The following PPP2R2D variants were observed in gnomAD, a reference collection of about 807,000 sequenced individuals.
PPP2R2D encodes the protein serine/threonine-protein phosphatase 2A 55 kDa regulatory subunit B delta isoform.
Under a neutral mutation model 31.1 loss-of-function variants are expected in PPP2R2D, and 9 were observed. The ratio of observed to expected loss-of-function variants is 0.29; its 90% CI spans 0.17 to 0.51. PPP2R2D has a LOEUF of 0.51. Ranked by LOEUF, PPP2R2D falls within the 20% of genes least tolerant of loss-of-function variation. PPP2R2D has a pLI of 0.98. For synonymous variants in PPP2R2D, 179 were observed against 172.6 expected (o/e 1.04, Z -0.29); for missense variants, 391 against 465.6 (o/e 0.84, Z 1.48).
At chr10:131,921,894 C>G (rs918422666) in intron 2 of PPP2R2D, among the ~76,000 whole-genome samples, 2 of 152,132 alleles carry the variant, frequency 1.3e-5, no homozygotes, top group East Asian at 3.9e-4. Context: ...ATAAAATTGC[C>G]TAGGAGTAAT....
intron 2 of PPP2R2D, among the ~76,000 whole-genome samples, chr10:131,932,558 G>A (rs191460530): frequency 6.8e-6 from 1 of 148,146 alleles, no homozygotes; most frequent in Admixed American, 6.9e-5. Context: ...TCCCGGCGAC[G>A]CAGGAGGCTG....
At chr10:131,930,348 G>A (rs782385522) in intron 2 of PPP2R2D, among the ~76,000 whole-genome samples, 14 of 152,198 alleles carry the variant, frequency 9.2e-5, no homozygotes, top group East Asian at 5.8e-4. Context: ...CCTGCTGGCC[G>A]CCTGGCTCAT....
intron 2 of PPP2R2D, among the ~76,000 whole-genome samples, chr10:131,906,630 G>A (rs1336451973): frequency 6.6e-6 from 1 of 151,974 alleles, no homozygotes; most frequent in Non-Finnish European, 1.5e-5. Context: ...TTCATTGAAT[G>A]TAAGATAATG....
At chr10:131,919,274 GGCACAGC>G in intron 2 of PPP2R2D, among the ~76,000 whole-genome samples, 1 of 115,240 alleles carries the variant, frequency 8.7e-6, no homozygotes, top group African/African-American at 3.4e-5. Context: ...TGGGTGGAAT[GGCACAGC>G]GTTTGTAGGG....
intron 3 of PPP2R2D, among the ~76,000 whole-genome samples, chr10:131,937,120 C>G (rs1554896618): frequency 6.6e-6 from 1 of 152,196 alleles, no homozygotes; most frequent in Non-Finnish European, 1.5e-5. Context: ...ATTCGGAAGG[C>G]TAGTGAGTGA....
intron 2 of PPP2R2D, among the ~76,000 whole-genome samples, chr10:131,928,998 C>G (rs1255783838): frequency 6.6e-6 from 1 of 152,208 alleles, no homozygotes; most frequent in Admixed American, 6.5e-5. Context: ...CAACAGGCGC[C>G]TCTGTCCTCA....
At chr10:131,943,172 G>A (rs1271530633) in intron 5 of PPP2R2D, among the ~76,000 whole-genome samples, 3 of 152,094 alleles carry the variant, frequency 2.0e-5, no homozygotes, top group Admixed American at 2.0e-4. Flanking sequence ...CCTCACGCCT[G>A]AGCTCTCACC....
chr10:131,971,226 T>C, the PPP2R2D span: 1 of 495,876 alleles, frequency 2.0e-6, no homozygotes, highest in Non-Finnish European at 3.7e-6. Flanking sequence ...AGGGCGTAAA[T>C]ACATTTGGTT....
At chr10:131,922,709 GTGCTGGGAT>G (rs2036015682) in intron 2 of PPP2R2D, among the ~76,000 whole-genome samples, 1 of 152,060 alleles carries the variant, frequency 6.6e-6, no homozygotes, top group African/African-American at 2.4e-5. Context: ...GCCTCTCAAA[GTGCTGGGAT>G]TACAGGCATG....
chr10:131,962,797 CAG>C (rs1259584138), downstream of PPP2R2D, among the ~76,000 whole-genome samples: 3 of 152,252 alleles, frequency 2.0e-5, no homozygotes, highest in African/African-American at 7.2e-5. Flanking sequence ...CCAGCCAAGG[CAG>C]AGAGGTGGCT....
intron 2 of PPP2R2D, among the ~76,000 whole-genome samples, chr10:131,919,444 G>A (rs2035917035): frequency 1.5e-5 from 2 of 129,876 alleles, no homozygotes; most frequent in African/African-American, 5.9e-5. Flanking sequence ...CAGGCGGGTG[G>A]AATGACACAG....
At chr10:131,934,687 A>G (rs1358760421) in intron 3 of PPP2R2D, 132 bp downstream of exon 3, 5 of 666,896 alleles carry the variant, frequency 7.5e-6, no homozygotes, top group African/African-American at 7.1e-5. Context: ...TTAGCCATAC[A>G]GAATCTCCTT....
chr10:131,953,284 T>G (rs1554899325), intron 8 of PPP2R2D, among the ~76,000 whole-genome samples: 2 of 104,802 alleles, frequency 1.9e-5, no homozygotes, highest in African/African-American at 3.7e-5. Flanking sequence ...GACTTGCAGG[T>G]ATGCGGGGGT....
At chr10:131,920,004 T>G (rs1643040792) in intron 2 of PPP2R2D, among the ~76,000 whole-genome samples, 2 of 122,464 alleles carry the variant, frequency 1.6e-5, no homozygotes, top group Admixed American at 8.6e-5. Context: ...GACACAGTGT[T>G]TGTAGGGACC....
Position 131,945,377 on chromosome 10 carries a change from C to T in PPP2R2D, c.738C>T (p.Asn246=), listed in dbSNP as rs201316038. 1.4e-5 allele frequency: 22 copies of T among 1,614,106 alleles called. No homozygotes were observed. Among genetic ancestry groups the T allele is most frequent in the Middle Eastern group, 1.6e-4 (1 of 6,084 alleles). ...TAAEFHPHQC[N]VFVYSSSKGT... ...CCGAGTTCCACCCGCACCAGTGCAACGTGTTCGTCTACAGCAGTAGCAAAG... is the reference window on the plus strand; with the variant it reads ...CCGAGTTCCACCCGCACCAGTGCAATGTGTTCGTCTACAGCAGTAGCAAAG... The change falls in exon 7 of 9, where the codon AAC becomes AAT. Residue 246 remains asparagine, a synonymous_variant. Transcript: ENST00000455566. The surrounding 1 kb of genome is among the most constrained non-coding windows in gnomAD (Gnocchi z 4.8).
the PPP2R2D span, chr10:131,970,712 G>A: frequency 3.1e-6 from 5 of 1,614,214 alleles, no homozygotes; most frequent in Non-Finnish European, 4.2e-6. This position sits in a 1 kb window ranked among gnomAD's most constrained non-coding sequence, Gnocchi z 4.1. Context: ...CAGAGAATAT[G>A]CCCCCTTTCT....
At chr10:131,964,604 A>G (rs1481310380), downstream of PPP2R2D, among the ~76,000 whole-genome samples, 2 of 150,988 alleles carry the variant, frequency 1.3e-5, no homozygotes, top group Non-Finnish European at 2.9e-5. Flanking sequence ...CAGTGTTAAT[A>G]TGCCTGTGGT....
chr10:131,905,640 A>C (rs2035569363), intron 2 of PPP2R2D, among the ~76,000 whole-genome samples: 1 of 152,190 alleles, frequency 6.6e-6, no homozygotes, highest in Non-Finnish European at 1.5e-5. Context: ...GTGAATCTTC[A>C]CACCACCGAA....
chr10:131,936,450 G>A (rs1377726942), intron 3 of PPP2R2D, among the ~76,000 whole-genome samples: 1 of 152,166 alleles, frequency 6.6e-6, no homozygotes, highest in Non-Finnish European at 1.5e-5. Context: ...CTGGCCAGCA[G>A]GAGGATTTTT....
Sources: gnomAD v4.1 joint callset for allele counts (sites outside exome capture counted in the v4.1 genomes callset) on GRCh38, gnomAD v4.1.1 for gene constraint, Gnocchi (gnomAD v3.1) non-coding constraint, MANE v1.5 for transcripts, NCBI Gene and HGNC (gene_info 2026-07-23, HGNC 2026-07-21) for gene names.